The following CD109 variants were observed in gnomAD, a reference collection of about 807,000 sequenced individuals.
The protein encoded by CD109 is CD109 molecule.
Under a neutral mutation model 165.8 loss-of-function variants are expected in CD109, and 149 were observed. The observed-to-expected ratio is 0.90, with a 90% CI of 0.79 to 1.03. The LOEUF is 1.03. CD109 is among the 50% of genes least tolerant of loss of function. CD109 has a pLI of 0.00. For synonymous variants in CD109, 585 were observed against 592.1 expected (o/e 0.99, Z 0.18); for missense variants, 1,712 against 1,677.8 (o/e 1.02, Z -0.36).
chr6:73,817,404 G>A (rs577427452), intron 30 of CD109, among the ~76,000 whole-genome samples: 18 of 151,952 alleles, frequency 1.2e-4, no homozygotes, highest in African/African-American at 4.3e-4. Context: ...ATCTATTTTG[G>A]CTCAGTGCAT....
At chr6:73,782,813 A>G in intron 18 of CD109, 58 bp downstream of exon 18, 3 of 1,545,494 alleles carry the variant, frequency 1.9e-6, no homozygotes, top group Middle Eastern at 1.7e-4. Flanking sequence ...TGTTTTAAAT[A>G]AGCTTTGCCC....
chr6:73,691,186 G>A (rs1019833469), upstream of CD109, among the ~76,000 whole-genome samples: 2 of 152,162 alleles, frequency 1.3e-5, no homozygotes, highest in Non-Finnish European at 2.9e-5. Flanking sequence ...AGGCAAAAGT[G>A]CATGGCTAGG....
chr6:73,733,727 C>T (rs1772448393), intron 4 of CD109, among the ~76,000 whole-genome samples: 1 of 152,198 alleles, frequency 6.6e-6, no homozygotes, highest in Non-Finnish European at 1.5e-5. Context: ...AGTTTTGGAG[C>T]AGTGGTGGCT....
intron 2 of CD109, 135 bp downstream of exon 2, chr6:73,697,707 C>A: frequency 1.6e-6 from 1 of 640,156 alleles, no homozygotes; most frequent in Non-Finnish European, 2.6e-6. Flanking sequence ...AATTCTCACT[C>A]ATGTAAAGTC....
intron 2 of CD109, among the ~76,000 whole-genome samples, chr6:73,719,224 A>G (rs1027297841): frequency 6.6e-6 from 1 of 152,200 alleles, no homozygotes; most frequent in African/African-American, 2.4e-5. Flanking sequence ...GAGCAGCTTT[A>G]AAGAGTTGCT....
At chr6:73,717,379 T>C (rs928296457) in intron 2 of CD109, among the ~76,000 whole-genome samples, 2 of 152,142 alleles carry the variant, frequency 1.3e-5, no homozygotes, top group African/African-American at 2.4e-5. Context: ...ATGGACATTT[T>C]AACAATATTG....
At chr6:73,727,915 A>T (rs1772200470) in intron 3 of CD109, among the ~76,000 whole-genome samples, 1 of 152,186 alleles carries the variant, frequency 6.6e-6, no homozygotes, top group South Asian at 2.1e-4. Flanking sequence ...GAGAAAATAG[A>T]ATTTAAGATT....
At chr6:73,783,981 A>C (rs1447209946) in intron 19 of CD109, among the ~76,000 whole-genome samples, 157 bp downstream of exon 19, 1 of 152,164 alleles carries the variant, frequency 6.6e-6, no homozygotes, top group Non-Finnish European at 1.5e-5. Context: ...TTTATATTTA[A>C]GAATGTGAGC....
chr6:73,782,066 C>T (rs1774529075), intron 17 of CD109, among the ~76,000 whole-genome samples: 1 of 152,172 alleles, frequency 6.6e-6, no homozygotes, highest in South Asian at 2.1e-4. Flanking sequence ...TGAAAGGCTT[C>T]TAGAACTGTC....
At chr6:73,701,109 C>CT (rs138353822) in intron 2 of CD109, among the ~76,000 whole-genome samples, 5,884 of 129,156 alleles carry the variant, frequency 0.046, 152 homozygotes, top group East Asian at 0.14. Flanking sequence ...CGATTATGGG[C>CT]TTTTTTTTTT....
rs114367759 is a variant in CD109 at position 73,799,654 on chromosome 6, C to T, written c.2879-3566C>T. 1.5e-3 allele frequency among the ~76,000 whole-genome samples: 226 copies of T among 152,208 alleles called. 1 individual carries two copies. The highest frequency in any genetic ancestry group is 5.2e-3 in the African/African-American group (217 of 41,528). ...TAAATGACCAGATCTTACAGTAACT[C>T]ACTCACTATCTCAAGGACAGCACCA... On this transcript the variant is annotated intron_variant, in intron 23 of 32. Coordinates refer to ENST00000287097, the MANE Select transcript of CD109 (RefSeq NM_133493.5).
intron 30 of CD109, among the ~76,000 whole-genome samples, chr6:73,817,170 C>T (rs1443733711): frequency 1.3e-5 from 2 of 152,176 alleles, no homozygotes; most frequent in Non-Finnish European, 2.9e-5. Context: ...GGTCCAAGAC[C>T]TTACCTCATA....
At chr6:73,731,527 A>G (rs2150181312) in intron 4 of CD109, among the ~76,000 whole-genome samples, 1 of 152,336 alleles carries the variant, frequency 6.6e-6, no homozygotes, top group South Asian at 2.1e-4. Flanking sequence ...CTAGGACATG[A>G]GGTCCTATAC....
At chr6:73,779,353 A>G (rs1034242398) in intron 15 of CD109, among the ~76,000 whole-genome samples, 1 of 150,452 alleles carries the variant, frequency 6.6e-6, no homozygotes, top group African/African-American at 2.5e-5. Flanking sequence ...GGTTCAAACC[A>G]TTCTCCTTCC....
chr6:73,791,184 C>CATATATATATATATATATAT lies in CD109; in HGVS notation c.2702-1441_2702-1440insTATATATATATATATATATA, dbSNP rs1562071064. Among the ~76,000 whole-genome samples, 31 of 50,870 alleles carry CATATATATATATATATATAT rather than the reference C, an allele frequency of 6.1e-4. No homozygotes were observed. The East Asian group carries it at 6.7e-3, about 11-fold the overall frequency. The allele number at this position is 50,870 out of a possible 152,430, so 33.4% of individuals were successfully genotyped here. On this transcript the variant is annotated intron_variant, in intron 22 of 32. Coordinates refer to ENST00000287097, the MANE Select transcript of CD109 (RefSeq NM_133493.5). ...ATATATATATATATATATACACACA[C>CATATATATATATATATATAT]ACACATACATATATATATATATATA...
Position 73,697,411 on chromosome 6 carries a change from T to C in CD109, c.86T>C (p.Leu29Pro), listed in dbSNP as rs1770888259. ...ALAVAPGPRF[L>P]VTAPGIIRPG... ...TGGGAACTCTTTAGGCCTCGGTTTC[T>C]GGTGACAGCCCCAGGGATCATCAGG... The change falls in exon 2 of 33, where the codon CTG becomes CCG. Residue 29 changes from leucine to proline, a missense_variant. Coordinates refer to ENST00000287097, the MANE Select transcript of CD109 (RefSeq NM_133493.5). 1 of 1,613,862 alleles carries C rather than the reference T, an allele frequency of 6.2e-7. No individual in the cohort carries two copies. Among genetic ancestry groups the C allele is most frequent in the Non-Finnish European group, 8.5e-7 (1 of 1,179,982 alleles).
chr6:73,820,643 G>T, intron 32 of CD109, 80 bp downstream of exon 32: 1 of 850,860 alleles, frequency 1.2e-6, no homozygotes, highest in Non-Finnish European at 1.8e-6. Context: ...CCACACATTG[G>T]ATTGGTTCTG....
chr6:73,786,974 G>T (rs1423241275), intron 20 of CD109, among the ~76,000 whole-genome samples: 1 of 152,122 alleles, frequency 6.6e-6, no homozygotes, highest in East Asian at 1.9e-4. Context: ...GATAGTGAGA[G>T]AATTTAAAGT....
intron 23 of CD109, among the ~76,000 whole-genome samples, chr6:73,797,150 G>T (rs1258405672): frequency 2.0e-5 from 3 of 152,176 alleles, no homozygotes; most frequent in East Asian, 1.9e-4. Context: ...AATCATGCTT[G>T]GCCCAGGAGT....
Sources: gnomAD v4.1 joint callset for allele counts (sites outside exome capture counted in the v4.1 genomes callset) on GRCh38, gnomAD v4.1.1 for gene constraint, MANE v1.5 for transcripts, NCBI Gene and HGNC (gene_info 2026-07-23, HGNC 2026-07-21) for gene names.